WDR90: variants seen among roughly 807,000 people sequenced by gnomAD.
WDR90 encodes the protein WD repeat-containing protein 90.
WDR90 carries 238 observed loss-of-function variants against 195.2 expected under a neutral mutation model. That is an observed-to-expected ratio of 1.22 (90% CI 1.10 to 1.36). The LOEUF is 1.36. Among genes scored for constraint, WDR90 ranks in the 40% most tolerant of loss-of-function variants. The probability of loss-of-function intolerance (pLI) is 0.00; values close to 1 mark genes in which losing one functional copy is unlikely to be tolerated. For synonymous variants in WDR90, 1,265 were observed against 1,052.4 expected, an observed-to-expected ratio of 1.20 and a Z score of -3.91; for missense variants, 2,734 against 2,439.5, an observed-to-expected ratio of 1.12 and a Z score of -2.54.
At chr16:660,907 G>A (rs1217651303) in intron 28 of WDR90, 144 bp from the exon 29 acceptor site, 3 of 733,486 alleles carry the variant, frequency 4.1e-6, no homozygotes, top group Non-Finnish European at 3.7e-6. Context: ...ACGCTGGGGA[G>A]GGCGCAGCTG....
chr16:665,781 C>T lies in WDR90; in HGVS notation c.4414C>T (p.Gln1472Ter), dbSNP rs2038012767. The change falls in exon 35 of 41, where the codon CAG (glutamine) becomes TAG (stop). Residue 1472 changes from glutamine to a stop codon, truncating the protein, a stop_gained. Coordinates refer to ENST00000293879, the MANE Select transcript of WDR90 (RefSeq NM_145294.5). LOFTEE classifies it high-confidence loss of function. ...WALASMELVI[Q>*]FQVLNQSCLC... ...CTTGGCCAGCATGGAGCTTGTGATC[C>T]AGTTCCAGGTGCTGAACCAGGTGTG... is the stretch of plus-strand genomic sequence containing the variant. The T allele has an allele frequency of 6.3e-7, 1 of 1,595,254 alleles. No homozygotes were observed. The highest frequency in any genetic ancestry group is 8.6e-7 in the Non-Finnish European group (1 of 1,167,566).
At chr16:661,226 C>A in intron 29 of WDR90, 54 bp downstream of exon 29, 2 of 1,518,462 alleles carry the variant, frequency 1.3e-6, no homozygotes, top group South Asian at 1.2e-5. Flanking sequence ...CCCGGCAGAA[C>A]CCAGCTCCCG....
chr16:662,872 C>CG, intron 34 of WDR90, 28 bp downstream of exon 34: 1 of 1,537,508 alleles, frequency 6.5e-7, no homozygotes, highest in Non-Finnish European at 8.7e-7. Flanking sequence ...TGGGCAGAGG[C>CG]GGGGCAGCCG....
chr16:666,898 C>T lies in WDR90; in HGVS notation c.5005-7C>T. 2 of 1,613,160 alleles carry T rather than the reference C, an allele frequency of 1.2e-6. No individual in the cohort carries two copies. The highest frequency in any genetic ancestry group is 1.7e-6 in the Non-Finnish European group (2 of 1,179,948). On this transcript the variant is annotated splice_region_variant and splice_polypyrimidine_tract_variant and intron_variant, in intron 39 of 40. Transcript: ENST00000293879. Reference sequence around the variant, plus strand: ...CAGGCCTGGAGCCTCACGCTGGCTGCTCACAGGTGGTGGAGAAGATACCAC... The same window carrying T: ...CAGGCCTGGAGCCTCACGCTGGCTGTTCACAGGTGGTGGAGAAGATACCAC...
chr16:654,785 G>A (rs2037712837), intron 13 of WDR90: 4 of 543,556 alleles, frequency 7.4e-6, no homozygotes, highest in Non-Finnish European at 1.3e-5. Context: ...GGCTTGCGGG[G>A]GGGTTTGTAC....
Position 653,540 on chromosome 16 carries a change from C to A in WDR90, c.1249C>A (p.Leu417Met). The change falls in exon 12 of 41, where the codon CTG becomes ATG. Residue 417 changes from leucine to methionine, a missense_variant. Coordinates refer to ENST00000293879, the MANE Select transcript of WDR90 (RefSeq NM_145294.5). ...TGCCTCCTAGGTCTCCGCCCTGGCG[C>A]TGGATGGCAGCAGCTCACTATTGGC... ...GHTDKVSALA[L>M]DGSSSLLASA... is the part of the protein sequence containing the mutation. The A allele has an allele frequency of 9.3e-6, 15 of 1,613,408 alleles. No homozygotes were observed. Among genetic ancestry groups the A allele is most frequent in the Non-Finnish European group, 1.3e-5 (15 of 1,179,872 alleles).
intron 28 of WDR90, 85 bp downstream of exon 28, chr16:660,799 G>A: frequency 7.1e-7 from 1 of 1,412,616 alleles, no homozygotes; most frequent in Non-Finnish European, 9.6e-7. Context: ...CCAGGACCTG[G>A]TGGCAAATGA....
intron 9 of WDR90, 172 bp downstream of exon 9, chr16:652,211 C>G: frequency 1.1e-6 from 1 of 888,070 alleles, no homozygotes; most frequent in Non-Finnish European, 1.7e-6. Flanking sequence ...AATCTCTGTC[C>G]ACAAAGAGTA....
chr16:660,971 C>CCCTT, intron 28 of WDR90, 80 bp from the exon 29 acceptor site: 3 of 426,480 alleles, frequency 7.0e-6, no homozygotes, highest in South Asian at 4.0e-5. Context: ...GCCCCGCCCC[C>CCCTT]TGTTCGGCCC....
intron 10 of WDR90, 118 bp from the exon 11 acceptor site, chr16:653,223 T>C: frequency 1.3e-6 from 1 of 784,964 alleles, no homozygotes; most frequent in Non-Finnish European, 2.0e-6. Context: ...CCCAGGTGTG[T>C]GTGCCAGGCC....
chr16:661,473 A>G lies in WDR90; in HGVS notation c.3645A>G (p.Ser1215=), dbSNP rs1407407023. The change falls in exon 30 of 41, where the codon TCA becomes TCG. Residue 1215 remains serine, a synonymous_variant. Transcript: ENST00000293879. ...HSTTVLALAF[S]PDDRLLVTLG... is the part of the protein sequence containing the mutation. ...CCACCGTGCTGGCCCTGGCCTTCTC[A>G]CCAGATGACAGGCTTCTTGTCACAC... 3 of 1,608,952 alleles carry G rather than the reference A, an allele frequency of 1.9e-6. No homozygotes were observed. The highest frequency in any genetic ancestry group is 4.5e-5 in the East Asian group (2 of 44,752).
In WDR90 at chr16:652,544, C is replaced by T. The variant is rs770644998; in HGVS notation, c.1122+9C>T. On this transcript the variant is annotated intron_variant, in intron 10 of 40. Transcript: ENST00000293879. ...GCCACGGCACCAGACAGGTGAGGCT[C>T]CTGCGGCTGTGTCCAGAGCAGCTCT... 2 of 1,604,714 alleles carry T rather than the reference C, an allele frequency of 1.2e-6. No individual in the cohort carries two copies. Among genetic ancestry groups the T allele is most frequent in the East Asian group, 2.2e-5 (1 of 44,550 alleles).
intron 10 of WDR90, among the ~76,000 whole-genome samples, chr16:652,806 C>G (rs534807878): frequency 2.0e-5 from 3 of 152,226 alleles, no homozygotes; most frequent in Non-Finnish European, 4.4e-5. Flanking sequence ...AGTGCTCCCC[C>G]CGAAGACCCA....
rs1385969233 is a variant in WDR90 at position 653,505 on chromosome 16, C to T, written c.1234-20C>T. The T allele has an allele frequency of 1.9e-6, 3 of 1,612,832 alleles. No homozygotes were observed. The highest frequency in any genetic ancestry group is 1.7e-5 in the Admixed American group (1 of 59,998). Reference sequence around the variant, plus strand: ...CACACCTGCAGCCCCTACACCCTCCCTCACCCTTCTGCCTCCTAGGTCTCC... The same window carrying T: ...CACACCTGCAGCCCCTACACCCTCCTTCACCCTTCTGCCTCCTAGGTCTCC... On this transcript the variant is annotated intron_variant, in intron 11 of 40. Transcript: ENST00000293879.
intron 9 of WDR90, 84 bp downstream of exon 9, chr16:652,123 C>T (rs545024299): frequency 2.0e-5 from 29 of 1,426,624 alleles, no homozygotes; most frequent in East Asian, 5.0e-5. Context: ...GCATTCAGAA[C>T]GGATGTGCCT....
rs746408479 is a variant in WDR90, at chr16:658,306, G to C, written c.2728G>C (p.Val910Leu). ...LLVSTSSNRV[V>L]VLDAVSGRII... Reference sequence around the variant, plus strand: ...GGTGTCCACCTCGTCCAACAGAGTCGTGGTGCTGGATGCTGTGTCGGGCCG... The same window carrying C: ...GGTGTCCACCTCGTCCAACAGAGTCCTGGTGCTGGATGCTGTGTCGGGCCG... Residue 910 changes from valine to leucine, a missense_variant, in exon 22 of 41, where the codon GTG becomes CTG. Transcript: ENST00000293879. The C allele has an allele frequency of 6.8e-6, 11 of 1,612,580 alleles. No individual in the cohort carries two copies. In the Admixed American group the frequency reaches 1.8e-4, roughly 27 times the overall value.
In WDR90 at chr16:656,813, A is replaced by G; in HGVS notation, c.2284A>G (p.Ser762Gly). Residue 762 changes from serine to glycine, a missense_variant, in exon 19 of 41, where the codon AGC becomes GGC. Coordinates refer to ENST00000293879, the MANE Select transcript of WDR90 (RefSeq NM_145294.5). ...AAGGCCAACCTTTTTCTGTGGCTTT[A>G]GCAGTGGGGCCGTGCGCTCCTTCAG... is the stretch of plus-strand genomic sequence containing the variant. ...PTRPTFFCGF[S>G]SGAVRSFSLE... 1 of 1,613,080 alleles carries G rather than the reference A, an allele frequency of 6.2e-7. No individual in the cohort carries two copies.
At chr16:657,602 G>T (rs986854619) in intron 20 of WDR90, among the ~76,000 whole-genome samples, 160 bp from the exon 21 acceptor site, 3 of 152,214 alleles carry the variant, frequency 2.0e-5, no homozygotes, top group Admixed American at 6.5e-5. Flanking sequence ...AGCGCCTGGC[G>T]CCCACTGGCA....
In WDR90 at chr16:659,020, C is replaced by T. The variant is rs749554328; in HGVS notation, c.3011+9C>T. On this transcript the variant is annotated intron_variant, in intron 24 of 40. Transcript: ENST00000293879. ...CTGGCCCCTACTGAGAGGCAAGTGCCTACTCTCAGCTGTGTCTGCCTAGGC... is the reference window on the plus strand; with the variant it reads ...CTGGCCCCTACTGAGAGGCAAGTGCTTACTCTCAGCTGTGTCTGCCTAGGC... The T allele has an allele frequency of 3.1e-6, 5 of 1,613,142 alleles. No homozygotes were observed. The Admixed American group carries it at 6.7e-5, about 22-fold the overall frequency.
Sources: gnomAD v4.1 joint callset for allele counts (sites outside exome capture counted in the v4.1 genomes callset) on GRCh38, gnomAD v4.1.1 for gene constraint, MANE v1.5 for transcripts, NCBI Gene and HGNC (gene_info 2026-07-23, HGNC 2026-07-21) for gene names.